The following CCDC88A variants were observed in gnomAD, a reference collection of about 807,000 sequenced individuals.
The protein encoded by CCDC88A is girdin.
Under a neutral mutation model 234.3 loss-of-function variants are expected in CCDC88A, and 54 were observed. That is an observed-to-expected ratio of 0.23 (90% CI 0.19 to 0.29). The LOEUF (loss-of-function observed/expected upper bound fraction) is 0.29, where lower values mean the gene tolerates loss of function less well. Ranked by LOEUF, CCDC88A falls within the 10% of genes least tolerant of loss-of-function variation. The pLI is 1.00. For missense variants in CCDC88A, 1,832 were observed against 2,123.4 expected (o/e 0.86, Z 2.70); for synonymous variants, 753 against 737.8 (o/e 1.02, Z -0.33).
At chr2:55,353,786 C>T (rs1670201383) in intron 8 of CCDC88A, among the ~76,000 whole-genome samples, 1 of 151,980 alleles carries the variant, frequency 6.6e-6, no homozygotes, top group Admixed American at 6.6e-5. Flanking sequence ...GTAACATTTA[C>T]ACTTACTTTT....
At chr2:55,368,197 G>A (rs1371416991) in intron 5 of CCDC88A, among the ~76,000 whole-genome samples, 1 of 152,182 alleles carries the variant, frequency 6.6e-6, no homozygotes, top group Non-Finnish European at 1.5e-5. Context: ...ACTTGACTGA[G>A]TTGGACAGCC....
chr2:55,301,326 C>A (rs754676668), intron 27 of CCDC88A, 49 bp from the exon 28 acceptor site: 3 of 1,006,710 alleles, frequency 3.0e-6, no homozygotes, highest in East Asian at 2.7e-5. Context: ...TAATAAAAAA[C>A]CATTATAAAA....
chr2:55,405,537 A>C (rs1330044924), intron 2 of CCDC88A: 2 of 152,256 alleles, frequency 1.3e-5, no homozygotes, highest in East Asian at 3.8e-4. Context: ...ATACACATTC[A>C]GTACTATGCT....
intron 17 of CCDC88A, among the ~76,000 whole-genome samples, chr2:55,326,739 T>C (rs1178861817): frequency 6.6e-6 from 1 of 152,096 alleles, no homozygotes; most frequent in East Asian, 1.9e-4. Flanking sequence ...GCTGGCTAAT[T>C]TTTGTATTTT....
chr2:55,411,158 T>C (rs1006280679), intron 2 of CCDC88A, among the ~76,000 whole-genome samples: 1 of 152,176 alleles, frequency 6.6e-6, no homozygotes, highest in Non-Finnish European at 1.5e-5. Context: ...TCAAATACTA[T>C]TTCTGAATAT....
At chr2:55,366,569 ACACACAC>A (rs1199699995) in intron 5 of CCDC88A, among the ~76,000 whole-genome samples, 5 of 133,616 alleles carry the variant, frequency 3.7e-5, no homozygotes, top group African/African-American at 1.1e-4. Flanking sequence ...ACACACACAC[ACACACAC>A]AAGATATGAT....
At position 55,315,846 on chromosome 2, in the gene CCDC88A, T is replaced by A. The variant is rs897402766; in HGVS notation, c.3933+82A>T. 4.0e-6 allele frequency: 3 copies of A among 751,626 alleles called. No homozygotes were observed. In the African/African-American group the frequency reaches 5.4e-5, roughly 14 times the overall value. The allele number at this position is 751,626 out of a possible 1,614,324, so 46.6% of individuals were successfully genotyped here. A position where few individuals can be genotyped will look rare whatever the true frequency, so the allele number is the denominator to read the frequency against. ...TGCCACTAAATATATACTAGTATTG[T>A]CATTGTAATCTAGTCATTTATTTCT... On this transcript the variant is annotated intron_variant, in intron 22 of 32. Transcript: ENST00000436346.
At position 55,332,271 on chromosome 2, in the gene CCDC88A, A is replaced by G. The variant is rs1685008693; in HGVS notation, c.2855+295T>C. ...GTAGCTGGAATTACAGGCATGCACC[A>G]CCATGCCCAGCTAATTTTTTTTGTA... On this transcript the variant is annotated intron_variant, in intron 16 of 32. Coordinates refer to ENST00000436346, the MANE Select transcript of CCDC88A (RefSeq NM_001365480.1). The surrounding 1 kb of genome is among the most constrained non-coding windows in gnomAD (Gnocchi z 4.5). 1 of 178,638 alleles carries G rather than the reference A, an allele frequency of 5.6e-6. No homozygotes were observed. Among genetic ancestry groups the G allele is most frequent in the African/African-American group, 2.4e-5 (1 of 41,856 alleles). The allele number at this position is 178,638 out of a possible 1,614,324, so 11.1% of individuals were successfully genotyped here.
Position 55,355,645 on chromosome 2 carries a change from C to T in CCDC88A, c.734G>A (p.Ser245Asn). ...CGSPGMKRTE[S>N]RQHLSVELAD... is the part of the protein sequence containing the mutation. ...CAGTTCCACCGACAGATGTTGTCGA[C>T]TTTCTGTTCGCTTCATGCCTGGAGA... is the stretch of plus-strand genomic sequence containing the variant. Residue 245 changes from serine to asparagine, a missense_variant, in exon 8 of 33, where the codon AGT becomes AAT. Physicochemically the swap from Ser to Asn is conservative, Grantham distance 46. Coordinates refer to ENST00000436346, the MANE Select transcript of CCDC88A (RefSeq NM_001365480.1). 10 of 1,614,132 alleles carry T rather than the reference C, an allele frequency of 6.2e-6. No individual in the cohort carries two copies. The highest frequency in any genetic ancestry group is 8.5e-6 in the Non-Finnish European group (10 of 1,179,982).
intron 2 of CCDC88A, among the ~76,000 whole-genome samples, chr2:55,399,161 G>A (rs1678144399): frequency 6.6e-6 from 1 of 151,924 alleles, no homozygotes; most frequent in African/African-American, 2.4e-5. Context: ...TGTCTAAAAG[G>A]AATAAATCAA....
In CCDC88A at chr2:55,297,701, G is replaced by A. The variant is rs1240510838; in HGVS notation, c.4826-1178C>T. 5.3e-5 allele frequency among the ~76,000 whole-genome samples: 8 copies of A among 151,464 alleles called. No individual in the cohort carries two copies. The East Asian group carries it at 5.9e-4, about 11-fold the overall frequency. ...GCTGGGATTACAGGTGTGAGCCACC[G>A]CACCTGGCTCATTAGGTGAATTTTA... On this transcript the variant is annotated intron_variant, in intron 29 of 32. Coordinates refer to ENST00000436346, the MANE Select transcript of CCDC88A (RefSeq NM_001365480.1).
chr2:55,385,073 A>C (rs1354900537), intron 3 of CCDC88A, among the ~76,000 whole-genome samples: 5 of 152,062 alleles, frequency 3.3e-5, no homozygotes, highest in Admixed American at 6.6e-5. Flanking sequence ...AAGTCCCCCC[A>C]AAAAATGAGT....
intron 2 of CCDC88A, among the ~76,000 whole-genome samples, chr2:55,415,929 A>G (rs148637051): frequency 6.6e-6 from 1 of 152,226 alleles, no homozygotes; most frequent in East Asian, 1.9e-4. Context: ...AGATTTTTGT[A>G]TTTAATGGAA....
chr2:55,417,230 TAAA>T (rs2105011769), intron 2 of CCDC88A: 1 of 152,138 alleles, frequency 6.6e-6, no homozygotes, highest in Non-Finnish European at 1.5e-5. Context: ...ATCATTCAAA[TAAA>T]AACCATTAAA....
intron 2 of CCDC88A, among the ~76,000 whole-genome samples, chr2:55,416,475 T>C (rs1305882674): frequency 1.7e-5 from 2 of 118,326 alleles, no homozygotes; most frequent in African/African-American, 3.1e-5. Flanking sequence ...TATATATATA[T>C]ATATATATAT....
intron 22 of CCDC88A, 172 bp from the exon 23 acceptor site, chr2:55,312,751 T>TA: frequency 1.9e-6 from 1 of 517,864 alleles, no homozygotes; most frequent in Admixed American, 3.1e-5. Context: ...AGCACTGGGT[T>TA]ACATGCTGTC....
At chr2:55,381,336 G>A (rs930525065) in intron 3 of CCDC88A, among the ~76,000 whole-genome samples, 1 of 152,064 alleles carries the variant, frequency 6.6e-6, no homozygotes, top group Admixed American at 6.6e-5. Context: ...TGGATCGCTT[G>A]AGCTCAGGAG....
intron 17 of CCDC88A, among the ~76,000 whole-genome samples, chr2:55,325,930 A>G (rs1287037101): frequency 6.6e-6 from 1 of 152,228 alleles, no homozygotes; most frequent in Admixed American, 6.5e-5. Context: ...TAACATTAAT[A>G]TAGCCAATCT....
At chr2:55,319,557 A>G (rs1683366815) in intron 18 of CCDC88A, among the ~76,000 whole-genome samples, 1 of 152,196 alleles carries the variant, frequency 6.6e-6, no homozygotes. Flanking sequence ...AATCCACAAC[A>G]GACCTAACGC....
Sources: gnomAD v4.1 joint callset for allele counts (sites outside exome capture counted in the v4.1 genomes callset) on GRCh38, gnomAD v4.1.1 for gene constraint, Gnocchi (gnomAD v3.1) non-coding constraint, MANE v1.5 for transcripts, NCBI Gene and HGNC (gene_info 2026-07-23, HGNC 2026-07-21) for gene names.